Variants in RAPGEF1 observed in about 807,000 individuals in gnomAD.
The protein encoded by RAPGEF1 is Rap guanine nucleotide exchange factor 1.
A neutral mutation model predicts 143.3 loss-of-function variants in RAPGEF1; 33 were observed. The ratio of observed to expected loss-of-function variants is 0.23; its 90% CI spans 0.17 to 0.31. The LOEUF is 0.31. Ranked by LOEUF, RAPGEF1 falls within the 10% of genes least tolerant of loss-of-function variation. The pLI is 1.00. For missense variants in RAPGEF1, 1,199 were observed against 1,645.4 expected (o/e 0.73, Z 4.69); for synonymous variants, 629 against 676.5 (o/e 0.93, Z 1.09).
intron 25 of RAPGEF1, among the ~76,000 whole-genome samples, chr9:131,581,709 G>C (rs1232050772): frequency 6.6e-6 from 1 of 152,180 alleles, no homozygotes; most frequent in South Asian, 2.1e-4. Flanking sequence ...CACAAACAAA[G>C]AAACAAAGAA....
In RAPGEF1 at chr9:131,605,167, A is replaced by G. The variant is rs774557242; in HGVS notation, c.2083T>C (p.Tyr695His). 7.4e-7 allele frequency: 1 copy of G among 1,358,220 alleles called. No homozygotes were observed. The highest frequency in any genetic ancestry group is 1.5e-5 in the African/African-American group (1 of 67,754). The allele number at this position is 1,358,220 out of a possible 1,614,324, so 84.1% of individuals were successfully genotyped here. ...TGGTGAGGCACGAAATCCTGGGAGT[A>G]GGACCTAAACACAGACTTATACTAC... ...VPSYKSVFRS[Y>H]SQDFVPHHQA... is the part of the protein sequence containing the mutation. The change falls in exon 13 of 27, where the codon TAC becomes CAC. Residue 695 changes from tyrosine (Y) to histidine (H), a missense_variant. Tyr to His is a moderately conservative substitution (Grantham distance 83). Around this residue, in one of 6 missense-constraint regions of RAPGEF1, gnomAD observed 293 missense variants for 356.2 expected, o/e 0.82. Transcript: ENST00000683357.
At chr9:131,651,225 G>A (rs554246155) in intron 1 of RAPGEF1, among the ~76,000 whole-genome samples, 1 of 152,222 alleles carries the variant, frequency 6.6e-6, no homozygotes, top group Non-Finnish European at 1.5e-5. Flanking sequence ...CAGAGTTTGT[G>A]TGATGATCTA....
intron 1 of RAPGEF1, among the ~76,000 whole-genome samples, chr9:131,695,531 G>T (rs1248780488): frequency 6.6e-6 from 1 of 152,234 alleles, no homozygotes; most frequent in East Asian, 1.9e-4. Context: ...GCCACACTGG[G>T]TATCAGTGGA....
chr9:131,605,238 A>T (rs1308131203), intron 12 of RAPGEF1, 50 bp from the exon 13 acceptor site: 6 of 1,224,188 alleles, frequency 4.9e-6, no homozygotes, highest in Non-Finnish European at 6.4e-6. Flanking sequence ...CAAGAAGAAA[A>T]GAGAAAAAGT....
intron 21 of RAPGEF1, 34 bp from the exon 22 acceptor site, chr9:131,587,864 C>T: frequency 6.2e-7 from 1 of 1,604,198 alleles, no homozygotes; most frequent in Non-Finnish European, 8.5e-7. Context: ...GGAGGTGGAG[C>T]CCCGGCTTTC....
intron 4 of RAPGEF1, among the ~76,000 whole-genome samples, chr9:131,639,599 A>G (rs1325670522): frequency 6.6e-6 from 1 of 152,172 alleles, no homozygotes; most frequent in Non-Finnish European, 1.5e-5. Flanking sequence ...TTAAATAACT[A>G]AAGATAATTT....
intron 3 of RAPGEF1, among the ~76,000 whole-genome samples, chr9:131,649,916 C>T (rs1185129273): frequency 6.6e-6 from 1 of 152,202 alleles, no homozygotes; most frequent in Non-Finnish European, 1.5e-5. Flanking sequence ...AAGCTTTTGC[C>T]ACAAAGCTCT....
At chr9:131,616,568 T>C (rs1267326443) in intron 12 of RAPGEF1, among the ~76,000 whole-genome samples, 1 of 152,248 alleles carries the variant, frequency 6.6e-6, no homozygotes, top group Non-Finnish European at 1.5e-5. Flanking sequence ...TTTAGTGCCC[T>C]ACAAATTCCC....
At chr9:131,593,120 G>A (rs936961656) in intron 17 of RAPGEF1, among the ~76,000 whole-genome samples, 1 of 152,246 alleles carries the variant, frequency 6.6e-6, no homozygotes, top group Non-Finnish European at 1.5e-5. Flanking sequence ...ATAGGCTGAA[G>A]AGGCACGGCT....
chr9:131,720,935 G>A (rs1836218815), intron 1 of RAPGEF1, among the ~76,000 whole-genome samples: 1 of 152,146 alleles, frequency 6.6e-6, no homozygotes, highest in Non-Finnish European at 1.5e-5. Context: ...GAGATTTGAT[G>A]TGATTTTTAC....
intron 10 of RAPGEF1, among the ~76,000 whole-genome samples, chr9:131,623,588 A>G (rs1207573897): frequency 6.6e-6 from 1 of 152,252 alleles, no homozygotes; most frequent in African/African-American, 2.4e-5. Flanking sequence ...AGGAGGACCC[A>G]GTCCATTTCA....
chr9:131,603,782 G>A (rs1471116652), intron 14 of RAPGEF1, among the ~76,000 whole-genome samples, 179 bp downstream of exon 14: 1 of 152,236 alleles, frequency 6.6e-6, no homozygotes, highest in Non-Finnish European at 1.5e-5. Flanking sequence ...CCACCTGGAA[G>A]CCACGTCCTC....
chr9:131,607,050 G>C (rs565792947), intron 12 of RAPGEF1, among the ~76,000 whole-genome samples: 1 of 152,294 alleles, frequency 6.6e-6, no homozygotes, highest in East Asian at 1.9e-4. Context: ...GCACTGACCA[G>C]AGTTTCAAGC....
At chr9:131,736,858 G>T (rs1410209783) in intron 1 of RAPGEF1, among the ~76,000 whole-genome samples, 1 of 152,090 alleles carries the variant, frequency 6.6e-6, no homozygotes, top group South Asian at 2.1e-4. Context: ...TTGTTTGCCT[G>T]GTGTCAGGCT....
At chr9:131,653,266 T>A (rs1009426928) in intron 1 of RAPGEF1, among the ~76,000 whole-genome samples, 1 of 152,216 alleles carries the variant, frequency 6.6e-6, no homozygotes, top group Non-Finnish European at 1.5e-5. Flanking sequence ...CCAAATACAA[T>A]GTAAATGTTA....
chr9:131,709,473 G>T, intron 1 of RAPGEF1: 1 of 683,484 alleles, frequency 1.5e-6, no homozygotes, highest in Non-Finnish European at 2.5e-6. Flanking sequence ...GGAGAATTGT[G>T]AATTTTCTTG....
chr9:131,733,645 CG>C (rs1380492850), intron 1 of RAPGEF1, among the ~76,000 whole-genome samples: 2 of 152,038 alleles, frequency 1.3e-5, no homozygotes, highest in African/African-American at 4.8e-5. Context: ...AGACGGGTGA[CG>C]AGTCAGAGGA....
chr9:131,737,454 G>GAAACT (rs1837494381), intron 1 of RAPGEF1: 3 of 1,613,838 alleles, frequency 1.9e-6, no homozygotes, highest in Non-Finnish European at 2.5e-6. Flanking sequence ...GGGTAGCTTA[G>GAAACT]AAACTGTGCT....
rs573953022 is a variant in RAPGEF1 at position 131,594,538 on chromosome 9, T to G, written c.2689+1760A>C. On this transcript the variant is annotated intron_variant, in intron 17 of 26. Coordinates refer to ENST00000683357, the MANE Select transcript of RAPGEF1 (RefSeq NM_001377935.1). ...GCTCCACGGGCCTGAGCCACGGGGC[T>G]CCCAGCTGCTCGTGATGCTGGTGCA... Among the ~76,000 whole-genome samples the G allele has an allele frequency of 4.6e-5, 7 of 152,294 alleles. No individual in the cohort carries two copies. The South Asian group carries it at 1.5e-3, about 32-fold the overall frequency.
Sources: allele counts gnomAD v4.1 joint callset (sites outside exome capture counted in the v4.1 genomes callset), GRCh38; gene constraint gnomAD v4.1.1; regional missense constraint gnomAD v4.1.1; transcripts MANE v1.5; gene names NCBI Gene and HGNC (gene_info 2026-07-23, HGNC 2026-07-21).